Variants in PREX2 observed in about 807,000 individuals in gnomAD.
PREX2 encodes phosphatidylinositol-3,4,5-trisphosphate dependent Rac exchange factor 2.
PREX2 carries 107 observed loss-of-function variants against 203.2 expected under a neutral mutation model. That is an observed-to-expected ratio of 0.53 (90% CI 0.45 to 0.62). The LOEUF is 0.62. Among genes scored for constraint, PREX2 ranks in the 20% least tolerant of loss-of-function variants. The pLI is 0.00. For missense variants in PREX2, 1,777 were observed against 1,955.9 expected (o/e 0.91, Z 1.72); for synonymous variants, 672 against 663.6 (o/e 1.01, Z -0.19).
chr8:68,176,220 T>A (rs1811976053), intron 35 of PREX2, among the ~76,000 whole-genome samples: 1 of 152,148 alleles, frequency 6.6e-6, no homozygotes, highest in Non-Finnish European at 1.5e-5. Context: ...GAGGAACAAA[T>A]CCCTTTCTAG....
intron 27 of PREX2, 172 bp downstream of exon 27, chr8:68,118,816 C>T (rs757394585): frequency 4.0e-6 from 3 of 742,266 alleles, no homozygotes; most frequent in Admixed American, 1.7e-5. Context: ...GTCTATTTCC[C>T]AATCCCATTT....
In PREX2 at chr8:67,952,295, G is replaced by C. The variant is rs1275854848; in HGVS notation, c.-100G>C. On this transcript the variant is annotated 5_prime_UTR_variant, in exon 1 of 40. Coordinates refer to ENST00000288368, the MANE Select transcript of PREX2 (RefSeq NM_024870.4). ...GTCTCTCCTCGGAGTTGGCGGAGGC[G>C]GCAACTTTCCATTCTCGCCGCCGGG... is the stretch of plus-strand genomic sequence containing the variant. The C allele has an allele frequency of 1.1e-5, 12 of 1,057,238 alleles. No individual in the cohort carries two copies. The highest frequency in any genetic ancestry group is 1.5e-5 in the Non-Finnish European group (12 of 813,258). 65.5% of individuals were successfully genotyped at this position (1,057,238 alleles called of 1,614,324 possible). A position where few individuals can be genotyped will look rare whatever the true frequency, so the allele number is the denominator to read the frequency against.
chr8:67,992,249 T>G (rs1425706097), intron 1 of PREX2, among the ~76,000 whole-genome samples: 2 of 152,222 alleles, frequency 1.3e-5, no homozygotes, highest in African/African-American at 4.8e-5. Context: ...TTGCTATCTC[T>G]GTGGTTCTGC....
chr8:68,074,293 G>A (rs1376972213), intron 14 of PREX2, among the ~76,000 whole-genome samples: 1 of 151,952 alleles, frequency 6.6e-6, no homozygotes, highest in Admixed American at 6.6e-5. Flanking sequence ...GTTTTTCTTC[G>A]TGGTTTATTA....
At chr8:68,105,725 A>T (rs916319151) in intron 23 of PREX2, 1 of 140,920 alleles carries the variant, frequency 7.1e-6, no homozygotes, top group African/African-American at 4.2e-5. Context: ...ATATATATAC[A>T]CACACATATA....
Position 68,038,018 on chromosome 8 carries a change from A to G in PREX2, c.706-141A>G, listed in dbSNP as rs916769817. On this transcript the variant is annotated intron_variant, in intron 6 of 39. Transcript: ENST00000288368. The stretch of plus-strand genomic sequence containing the variant: ...TTAGGGGCCCTCCAATCAGTGTATA[A>G]CTATCTCTACTGCTTGCACTTTAGC... 7.2e-6 allele frequency: 6 copies of G among 833,790 alleles called. No individual in the cohort carries two copies. The African/African-American group carries it at 8.6e-5, about 12-fold the overall frequency. 51.6% of individuals were successfully genotyped at this position (833,790 alleles called of 1,614,324 possible).
At chr8:68,131,922 A>G (rs1025530851) in intron 31 of PREX2, among the ~76,000 whole-genome samples, 1 of 152,164 alleles carries the variant, frequency 6.6e-6, no homozygotes, top group African/African-American at 2.4e-5. Context: ...CTACTGAAGT[A>G]TTTTTAAAAA....
intron 1 of PREX2, among the ~76,000 whole-genome samples, chr8:67,979,371 CT>C (rs1220711906): frequency 6.6e-6 from 1 of 152,124 alleles, no homozygotes; most frequent in African/African-American, 2.4e-5. Flanking sequence ...AGGAATTTCC[CT>C]TTTTGTTGCT....
intron 1 of PREX2, among the ~76,000 whole-genome samples, chr8:67,995,186 G>A (rs1000575408): frequency 2.6e-5 from 4 of 151,980 alleles, no homozygotes; most frequent in African/African-American, 7.3e-5. Context: ...TTATTGTAAA[G>A]CCACATAATA....
At chr8:67,984,120 T>A (rs1806346490) in intron 1 of PREX2, among the ~76,000 whole-genome samples, 1 of 152,328 alleles carries the variant, frequency 6.6e-6, no homozygotes, top group Non-Finnish European at 1.5e-5. Flanking sequence ...GGTGTCAGCT[T>A]CTTAGTAAAG....
At chr8:68,040,599 T>A (rs188748484) in intron 7 of PREX2, among the ~76,000 whole-genome samples, 1 of 152,280 alleles carries the variant, frequency 6.6e-6, no homozygotes, top group East Asian at 1.9e-4. Flanking sequence ...TAAAAATCAC[T>A]CCCTCTGTAG....
At chr8:68,121,307 G>A (rs1192670311) in intron 30 of PREX2, among the ~76,000 whole-genome samples, 2 of 151,840 alleles carry the variant, frequency 1.3e-5, no homozygotes, top group African/African-American at 4.8e-5. Context: ...AAGACAAATA[G>A]AACGTGAAGA....
At chr8:68,213,949 A>C (rs1812787608) in intron 37 of PREX2, among the ~76,000 whole-genome samples, 1 of 152,180 alleles carries the variant, frequency 6.6e-6, no homozygotes, top group Non-Finnish European at 1.5e-5. Flanking sequence ...TAGGGAAAGA[A>C]TTGTGTGAAT....
chr8:68,050,595 C>A (rs1185124440), intron 8 of PREX2, among the ~76,000 whole-genome samples: 1 of 152,160 alleles, frequency 6.6e-6, no homozygotes, highest in Non-Finnish European at 1.5e-5. Context: ...GGAACACAGA[C>A]CCAAACCATA....
intron 14 of PREX2, among the ~76,000 whole-genome samples, chr8:68,073,378 C>A (rs566028608): frequency 6.6e-6 from 1 of 151,842 alleles, no homozygotes; most frequent in Non-Finnish European, 1.5e-5. Context: ...TTCATACACA[C>A]CTTTACTTTT....
chr8:68,213,385 G>C (rs1390490990), intron 37 of PREX2, among the ~76,000 whole-genome samples: 3 of 152,148 alleles, frequency 2.0e-5, no homozygotes, highest in African/African-American at 7.2e-5. Flanking sequence ...AAAGGGATTC[G>C]TACAAGTAAG....
rs1313831918 is a variant in PREX2, at chr8:67,952,597, G to C, written c.141+62G>C. ...CGGCGCGGGGCGCGGGTCCCGGAGT[G>C]GCTGCGGGAAGGACGCGCGGCATTG... On this transcript the variant is annotated intron_variant, in intron 1 of 39. Transcript: ENST00000288368. 3.8e-6 allele frequency: 6 copies of C among 1,569,840 alleles called. No homozygotes were observed. In the East Asian group the frequency reaches 1.4e-4, roughly 37 times the overall value.
At chr8:68,055,241 G>A (rs1156401038) in intron 9 of PREX2, among the ~76,000 whole-genome samples, 2 of 152,114 alleles carry the variant, frequency 1.3e-5, no homozygotes, top group East Asian at 3.9e-4. Context: ...ACTGCAGGTT[G>A]AGCAAGGATC....
intron 1 of PREX2, among the ~76,000 whole-genome samples, chr8:67,976,796 GGA>G (rs149222768): frequency 6.9e-5 from 9 of 130,352 alleles, no homozygotes; most frequent in Admixed American, 8.2e-5. Context: ...GAGCGAGAGG[GGA>G]GAGAGAGAGA....
Sources: gnomAD v4.1 joint callset for allele counts (sites outside exome capture counted in the v4.1 genomes callset) on GRCh38, gnomAD v4.1.1 for gene constraint, MANE v1.5 for transcripts, NCBI Gene and HGNC (gene_info 2026-07-23, HGNC 2026-07-21) for gene names.